KLHL32: variants seen among roughly 807,000 people sequenced by gnomAD.
KLHL32 encodes kelch-like protein 32.
KLHL32 carries 35 observed loss-of-function variants against 64.8 expected under a neutral mutation model. The ratio of observed to expected loss-of-function variants is 0.54; its 90% confidence interval spans 0.41 to 0.72. The LOEUF (loss-of-function observed/expected upper bound fraction) is 0.72. Among genes scored for constraint, KLHL32 ranks in the 30% least tolerant of loss-of-function variants. The pLI, the probability that KLHL32 is intolerant of heterozygous loss-of-function variation, is 0.00. For missense variants in KLHL32, 589 were observed against 768.5 expected, an observed-to-expected ratio of 0.77 and a Z score of 2.76; for synonymous variants, 259 against 281.0, an observed-to-expected ratio of 0.92 and a Z score of 0.78.
chr6:97,088,525 G>A (rs1020441513), intron 6 of KLHL32, among the ~76,000 whole-genome samples: 1 of 152,110 alleles, frequency 6.6e-6, no homozygotes, highest in African/African-American at 2.4e-5. Context: ...CTTACCATAG[G>A]AGCTGGGGAG....
chr6:96,999,872 A>G (rs752260493), intron 3 of KLHL32, among the ~76,000 whole-genome samples: 2 of 152,196 alleles, frequency 1.3e-5, no homozygotes, highest in African/African-American at 4.8e-5. Flanking sequence ...ACTACATGCA[A>G]AAAAGTTTGT....
chr6:97,027,161 CAAAAAAAAAAA>C (rs59057028), intron 3 of KLHL32, among the ~76,000 whole-genome samples: 1 of 110,692 alleles, frequency 9.0e-6, no homozygotes, highest in Non-Finnish European at 2.1e-5. Flanking sequence ...GATTCCCTCT[CAAAAAAAAAAA>C]AAAAAGAAAA....
intron 3 of KLHL32, among the ~76,000 whole-genome samples, chr6:97,021,131 TG>T (rs1781931830): frequency 6.6e-6 from 1 of 150,956 alleles, no homozygotes; most frequent in Non-Finnish European, 1.5e-5. Flanking sequence ...GATCTGCATT[TG>T]GCAAGCTGGA....
intron 10 of KLHL32, among the ~76,000 whole-genome samples, chr6:97,133,217 TAGGGAC>T (rs1361942540): frequency 2.0e-5 from 3 of 152,226 alleles, no homozygotes; most frequent in Non-Finnish European, 4.4e-5. Context: ...ACTGGTCTGA[TAGGGAC>T]AGCCTCTGTC....
intron 2 of KLHL32, among the ~76,000 whole-genome samples, chr6:96,968,869 C>T (rs1774793675): frequency 6.6e-6 from 1 of 152,182 alleles, no homozygotes; most frequent in South Asian, 2.1e-4. Flanking sequence ...CCATGTATTT[C>T]AAGGATGGGT....
intron 3 of KLHL32, among the ~76,000 whole-genome samples, chr6:96,985,575 T>G (rs1776922145): frequency 6.6e-6 from 1 of 152,224 alleles, no homozygotes; most frequent in South Asian, 2.1e-4. Context: ...TCATTTCTTT[T>G]TATTCTTTTT....
intron 4 of KLHL32, among the ~76,000 whole-genome samples, chr6:97,056,739 A>G (rs1425069072): frequency 1.3e-5 from 2 of 152,204 alleles, no homozygotes; most frequent in South Asian, 2.1e-4. Context: ...AATTCAGGCC[A>G]TATAAAGTTT....
rs200624333 is a variant in KLHL32, at chr6:96,963,641, CCT to C, written c.-65-3353_-65-3352del. ...GTTATGCAATAGAGGCAAATCCCTTCCTCCTTCCCGGGTTCATTAAGCTGAAC... is the reference window on the plus strand; with the variant it reads ...GTTATGCAATAGAGGCAAATCCCTTCCCTTCCCGGGTTCATTAAGCTGAAC... On this transcript the variant is annotated intron_variant, in intron 1 of 10. Transcript: ENST00000369261. 2.3e-4 allele frequency among the ~76,000 whole-genome samples: 35 copies of C among 152,262 alleles called. 1 individual carries two copies. The East Asian group carries it at 6.0e-3, about 26-fold the overall frequency.
chr6:96,976,162 C>T lies in KLHL32; in HGVS notation c.189C>T (p.Cys63=). The T allele has an allele frequency of 6.4e-7, 1 of 1,567,610 alleles. No homozygotes were observed. Among genetic ancestry groups the T allele is most frequent in the Non-Finnish European group, 8.7e-7 (1 of 1,151,096 alleles). Residue 63 remains cysteine, a synonymous_variant, in exon 3 of 11, where the codon TGC becomes TGT. Transcript: ENST00000369261. ...CTCACAAGGCAGTCCTAGCAGCATGCAGTGACTATTTCCGGGTAAGTCAGC... is the reference window on the plus strand; with the variant it reads ...CTCACAAGGCAGTCCTAGCAGCATGTAGTGACTATTTCCGGGTAAGTCAGC... ...FHAHKAVLAA[C]SDYFRAMFSL... is the part of the protein sequence containing the mutation.
intron 4 of KLHL32, among the ~76,000 whole-genome samples, chr6:97,048,772 G>A (rs76142004): frequency 0.014 from 2,073 of 152,274 alleles, 36 homozygotes; most frequent in Non-Finnish European, 0.023. Context: ...CATCCCTTCA[G>A]GGGTAGAAGT....
chr6:97,033,139 G>A (rs1783808230), intron 3 of KLHL32, among the ~76,000 whole-genome samples: 2 of 152,090 alleles, frequency 1.3e-5, no homozygotes, highest in Non-Finnish European at 2.9e-5. Flanking sequence ...ATAGACCGCA[G>A]TATAGTGTCA....
intron 6 of KLHL32, among the ~76,000 whole-genome samples, chr6:97,093,832 G>A (rs930510440): frequency 6.6e-6 from 1 of 152,140 alleles, no homozygotes; most frequent in Non-Finnish European, 1.5e-5. Context: ...AAGCCGATAA[G>A]GGAGGATCTC....
intron 3 of KLHL32, among the ~76,000 whole-genome samples, chr6:96,979,890 G>T (rs1181243477): frequency 6.6e-6 from 1 of 152,110 alleles, no homozygotes; most frequent in African/African-American, 2.4e-5. Flanking sequence ...CCGGTTGGCT[G>T]TCTTCCTAGG....
intron 3 of KLHL32, among the ~76,000 whole-genome samples, chr6:97,012,567 G>T (rs1053054976): frequency 6.6e-6 from 1 of 152,170 alleles, no homozygotes; most frequent in Non-Finnish European, 1.5e-5. Flanking sequence ...TTTAAACCAC[G>T]AAGTTTGTGG....
At chr6:97,112,409 T>C (rs1238499614) in intron 6 of KLHL32, among the ~76,000 whole-genome samples, 1 of 152,066 alleles carries the variant, frequency 6.6e-6, no homozygotes, top group East Asian at 1.9e-4. Context: ...TTAAATTACT[T>C]TAGGTGCTCC....
At chr6:96,935,947 G>A (rs1246226981) in intron 1 of KLHL32, among the ~76,000 whole-genome samples, 2 of 152,140 alleles carry the variant, frequency 1.3e-5, no homozygotes, top group East Asian at 1.9e-4. Context: ...TCTATGTGGT[G>A]CTTCTTGAAT....
At chr6:96,998,267 A>G (rs768796220) in intron 3 of KLHL32, among the ~76,000 whole-genome samples, 3 of 152,208 alleles carry the variant, frequency 2.0e-5, no homozygotes, top group Non-Finnish European at 4.4e-5. Context: ...CATCCACGCC[A>G]CAGCTTTCTT....
chr6:96,945,575 G>T (rs146081428), intron 1 of KLHL32, among the ~76,000 whole-genome samples: 1,541 of 152,248 alleles, frequency 0.01, 34 homozygotes, highest in African/African-American at 0.034. Flanking sequence ...GAAAGAGAGG[G>T]GTGCTTTAAA....
intron 4 of KLHL32, among the ~76,000 whole-genome samples, chr6:97,060,826 C>T (rs112223220): frequency 5.3e-5 from 8 of 152,126 alleles, no homozygotes; most frequent in Non-Finnish European, 1.2e-4. Flanking sequence ...GGGTTTTACA[C>T]TATTACTTTG....
Sources: gnomAD v4.1 joint callset for allele counts (sites outside exome capture counted in the v4.1 genomes callset) on GRCh38, gnomAD v4.1.1 for gene constraint, MANE v1.5 for transcripts, NCBI Gene and HGNC (gene_info 2026-07-23, HGNC 2026-07-21) for gene names.